KSR2: variants seen among roughly 807,000 people sequenced by gnomAD.
The protein encoded by KSR2 is kinase suppressor of ras 2.
In KSR2, 25 loss-of-function variants were observed where a neutral mutation model predicts 107.8. That is an observed-to-expected ratio of 0.23 (90% CI 0.17 to 0.32). The LOEUF (loss-of-function observed/expected upper bound fraction) is 0.32, where lower values mean the gene tolerates loss of function less well. Among genes scored for constraint, KSR2 ranks in the 10% least tolerant of loss-of-function variants. KSR2 has a pLI of 1.00. For missense variants in KSR2, 887 were observed against 1,268.9 expected (o/e 0.70, Z 4.57); for synonymous variants, 480 against 507.0 (o/e 0.95, Z 0.71).
At chr12:117,467,944 A>G (rs1871242846) in intron 19 of KSR2, 2 of 329,578 alleles carry the variant, frequency 6.1e-6, no homozygotes, top group Non-Finnish European at 1.1e-5. Flanking sequence ...TTCCAGCCCA[A>G]CTCCACAATA....
chr12:117,533,511 A>G (rs1875811151), intron 10 of KSR2, among the ~76,000 whole-genome samples: 1 of 152,248 alleles, frequency 6.6e-6, no homozygotes, highest in African/African-American at 2.4e-5. Context: ...GGCAAGAAGC[A>G]GCTTATTCAA....
intron 1 of KSR2, among the ~76,000 whole-genome samples, chr12:117,920,503 A>T (rs139993655): frequency 6.6e-6 from 1 of 152,262 alleles, no homozygotes; most frequent in African/African-American, 2.4e-5. Flanking sequence ...TAAGTTAAAC[A>T]GATAAATAAT....
At chr12:117,949,301 T>G (rs1896289799) in intron 1 of KSR2, among the ~76,000 whole-genome samples, 1 of 121,104 alleles carries the variant, frequency 8.3e-6, no homozygotes, top group Non-Finnish European at 1.8e-5. Flanking sequence ...ACAGTACTGT[T>G]AAGAGGAAAA....
intron 5 of KSR2, among the ~76,000 whole-genome samples, chr12:117,613,281 T>C (rs1881703529): frequency 6.6e-6 from 1 of 152,188 alleles, no homozygotes. Flanking sequence ...GACCTAACAA[T>C]TCTACTTCTG....
intron 4 of KSR2, among the ~76,000 whole-genome samples, chr12:117,739,607 T>C (rs1002693312): frequency 1.2e-4 from 19 of 152,216 alleles, no homozygotes; most frequent in Non-Finnish European, 2.4e-4. Context: ...GCAACATTCA[T>C]TCATTCAACA....
intron 4 of KSR2, among the ~76,000 whole-genome samples, chr12:117,746,902 G>C (rs1888430231): frequency 6.6e-6 from 1 of 152,086 alleles, no homozygotes; most frequent in Admixed American, 6.5e-5. Flanking sequence ...ATGCCAGTCA[G>C]AATGGTGATT....
rs1183778431 is a variant in KSR2, at chr12:117,667,523, A to G, written c.1122T>C (p.Pro374=). The change falls in exon 5 of 20, where the codon CCT becomes CCC. Residue 374 remains proline (P), a synonymous_variant. Transcript: ENST00000339824. ...SLRSFFVGHA[P]FLPSTPPVHT... Reference sequence around the variant, plus strand: ...GAACAGGAGGGGTGGAAGGCAGGAAAGGTGCGTGTCCCACAAAGAAGGAGC... The same window carrying G: ...GAACAGGAGGGGTGGAAGGCAGGAAGGGTGCGTGTCCCACAAAGAAGGAGC... 1 of 1,612,658 alleles carries G rather than the reference A, an allele frequency of 6.2e-7. No homozygotes were observed. Among genetic ancestry groups the G allele is most frequent in the Non-Finnish European group, 8.5e-7 (1 of 1,179,632 alleles).
At chr12:117,579,868 C>T (rs1465210551) in intron 6 of KSR2, among the ~76,000 whole-genome samples, 1 of 152,166 alleles carries the variant, frequency 6.6e-6, no homozygotes, top group African/African-American at 2.4e-5. Flanking sequence ...CTCCTGTGTA[C>T]AGCGATAAAC....
rs1233961211 is a variant in KSR2, at chr12:117,521,397, G to A, written c.2219+3455C>T. Among the ~76,000 whole-genome samples, 6 of 152,200 alleles carry A rather than the reference G, an allele frequency of 3.9e-5. No homozygotes were observed. In the South Asian group the frequency reaches 8.3e-4, roughly 21 times the overall value. On this transcript the variant is annotated intron_variant, in intron 14 of 19. Transcript: ENST00000339824. Reference sequence around the variant, plus strand: ...TGAAACCCTAGGTAGCAAGGTAGACGGGTGAGAGACACTTTCACTCAACTC... The same window carrying A: ...TGAAACCCTAGGTAGCAAGGTAGACAGGTGAGAGACACTTTCACTCAACTC...
intron 5 of KSR2, among the ~76,000 whole-genome samples, chr12:117,615,727 G>A (rs1881841068): frequency 6.6e-6 from 1 of 152,154 alleles, no homozygotes; most frequent in African/African-American, 2.4e-5. Context: ...GTAGCCCCAA[G>A]CGACATACTG....
chr12:117,774,236 GA>G (rs1054453272), intron 3 of KSR2, among the ~76,000 whole-genome samples: 1 of 152,174 alleles, frequency 6.6e-6, no homozygotes, highest in Admixed American at 6.5e-5. Flanking sequence ...CACAATCCCA[GA>G]AAGCCTGAAA....
chr12:117,482,630 T>C (rs1872240840), intron 16 of KSR2, among the ~76,000 whole-genome samples: 1 of 152,168 alleles, frequency 6.6e-6, no homozygotes, highest in Admixed American at 6.5e-5. Flanking sequence ...AACTTCCTGG[T>C]TGACAATGGG....
chr12:117,674,197 A>G (rs1885025719), intron 4 of KSR2: 2 of 443,828 alleles, frequency 4.5e-6, no homozygotes, highest in Middle Eastern at 3.3e-4. Context: ...AAGGATCCCG[A>G]GAAATCTTAC....
At chr12:117,957,041 T>C (rs1034087844) in intron 1 of KSR2, among the ~76,000 whole-genome samples, 1 of 152,220 alleles carries the variant, frequency 6.6e-6, no homozygotes, top group Non-Finnish European at 1.5e-5. Context: ...TAGAGACAGA[T>C]TAAGTATTCC....
chr12:117,894,108 A>G (rs987589720), intron 1 of KSR2, among the ~76,000 whole-genome samples: 2 of 151,996 alleles, frequency 1.3e-5, no homozygotes, highest in Non-Finnish European at 2.9e-5. Context: ...ATGGGGTTTC[A>G]CCGTGTTAGC....
intron 5 of KSR2, among the ~76,000 whole-genome samples, chr12:117,654,387 G>T (rs961097969): frequency 6.6e-6 from 1 of 152,188 alleles, no homozygotes; most frequent in East Asian, 1.9e-4. Context: ...CTCATGGGGA[G>T]CTCCCTATGA....
At chr12:117,762,064 T>C (rs181544245) in intron 3 of KSR2, among the ~76,000 whole-genome samples, 15 of 152,338 alleles carry the variant, frequency 9.8e-5, no homozygotes, top group African/African-American at 3.6e-4. Flanking sequence ...CCTGTTACCC[T>C]ATTCTCCATT....
At chr12:117,758,190 C>G (rs1888864618) in intron 4 of KSR2, among the ~76,000 whole-genome samples, 2 of 152,150 alleles carry the variant, frequency 1.3e-5, no homozygotes, top group African/African-American at 4.8e-5. Context: ...CTGGCAGGAT[C>G]AGGACTAGTT....
Position 117,551,636 on chromosome 12 carries a change from G to A in KSR2, c.1518+3533C>T, listed in dbSNP as rs118087020. Among the ~76,000 whole-genome samples the A allele has an allele frequency of 4.5e-3, 678 of 152,008 alleles. 14 individuals carry two copies. The East Asian group carries it at 0.067, about 15-fold the overall frequency. On this transcript the variant is annotated intron_variant, in intron 9 of 19. Transcript: ENST00000339824. Reference sequence around the variant, plus strand: ...CCTGGATTGACTGAACTAGACAGGAGACAAGACAAAGAGCAGTGAAAAAAA... The same window carrying A: ...CCTGGATTGACTGAACTAGACAGGAAACAAGACAAAGAGCAGTGAAAAAAA...
Sources: gnomAD v4.1 joint callset for allele counts (sites outside exome capture counted in the v4.1 genomes callset) on GRCh38, gnomAD v4.1.1 for gene constraint, MANE v1.5 for transcripts, NCBI Gene and HGNC (gene_info 2026-07-23, HGNC 2026-07-21) for gene names.